The following LPP variants were observed in gnomAD, a reference collection of about 807,000 sequenced individuals.
LPP encodes the protein lipoma-preferred partner.
A neutral mutation model predicts 60.4 loss-of-function variants in LPP; 38 were observed. That is an observed-to-expected ratio of 0.63 (90% confidence interval 0.49 to 0.83). The LOEUF (loss-of-function observed/expected upper bound fraction) is 0.83. LPP is among the 40% of genes least tolerant of loss of function. The pLI is 0.00. For synonymous variants in LPP, 328 were observed against 290.8 expected (o/e 1.13, Z -1.30); for missense variants, 902 against 783.6 (o/e 1.15, Z -1.80).
At chr3:188,358,666 C>T (rs1299681132) in intron 3 of LPP, among the ~76,000 whole-genome samples, 1 of 151,986 alleles carries the variant, frequency 6.6e-6, no homozygotes, top group East Asian at 1.9e-4. Context: ...AGATTCTTTC[C>T]GAAAGAGTGT....
At chr3:188,304,766 A>C (rs953900736) in intron 2 of LPP, among the ~76,000 whole-genome samples, 1 of 152,186 alleles carries the variant, frequency 6.6e-6, no homozygotes, top group African/African-American at 2.4e-5. Context: ...ATATTGTCAG[A>C]AAAGTCAAGC....
In LPP at chr3:188,887,708, A is replaced by G. The variant is rs549900990; in HGVS notation, c.*13229A>G. 7.1e-4 allele frequency: 150 copies of G among 211,780 alleles called. 1 individual carries two copies. In the Middle Eastern group the frequency reaches 0.011, roughly 15 times the overall value. 13.1% of individuals were successfully genotyped at this position (211,780 alleles called of 1,614,324 possible). A position where few individuals can be genotyped will look rare whatever the true frequency, so the allele number is the denominator to read the frequency against. ...GGGACCATGCCATCCTTCTAGCATA[A>G]TGGAGAAGTCTGAACTGAGGAGTAT... On this transcript the variant is annotated 3_prime_UTR_variant, in exon 12 of 12. Transcript: ENST00000617246.
At chr3:188,208,176 C>T (rs1456894060) in intron 1 of LPP, 1 of 152,238 alleles carries the variant, frequency 6.6e-6, no homozygotes, top group Non-Finnish European at 1.5e-5. Context: ...CTACAAATGA[C>T]AGAGATGACT....
chr3:188,629,630 T>C (rs1484194550), intron 7 of LPP, among the ~76,000 whole-genome samples: 1 of 151,960 alleles, frequency 6.6e-6, no homozygotes, highest in Admixed American at 6.6e-5. Context: ...TCAATATTGT[T>C]AAAATTTGGG....
intron 3 of LPP, among the ~76,000 whole-genome samples, chr3:188,384,456 A>G (rs941265661): frequency 6.6e-6 from 1 of 152,034 alleles, no homozygotes; most frequent in African/African-American, 2.4e-5. Context: ...GTATTTACGA[A>G]GGGACTCAAA....
chr3:188,421,362 C>T (rs13060464), intron 4 of LPP, among the ~76,000 whole-genome samples: 1 of 152,070 alleles, frequency 6.6e-6, no homozygotes, highest in Admixed American at 6.6e-5. Flanking sequence ...GAATGGAAAG[C>T]AGCCATCTTT....
At chr3:188,372,236 G>A (rs1773491723) in intron 3 of LPP, among the ~76,000 whole-genome samples, 1 of 151,872 alleles carries the variant, frequency 6.6e-6, no homozygotes, top group Non-Finnish European at 1.5e-5. Flanking sequence ...CTCTATAAAT[G>A]GTAGGTTTTC....
At chr3:188,446,303 G>C (rs2149306121) in intron 4 of LPP, among the ~76,000 whole-genome samples, 2 of 152,276 alleles carry the variant, frequency 1.3e-5, no homozygotes, top group Middle Eastern at 3.4e-3. Flanking sequence ...GGTGGTGTTT[G>C]ACTTTCAGTT....
chr3:188,329,672 C>T (rs1392334438), intron 2 of LPP, among the ~76,000 whole-genome samples: 8 of 152,008 alleles, frequency 5.3e-5, no homozygotes, highest in Non-Finnish European at 1.2e-4. Flanking sequence ...GCATATTTTC[C>T]CTACTCTCCG....
intron 4 of LPP, among the ~76,000 whole-genome samples, chr3:188,462,565 TATATATATATATATATATATGC>T (rs1413920257): frequency 7.9e-5 from 5 of 63,388 alleles, no homozygotes; most frequent in Admixed American, 4.0e-4. Flanking sequence ...TATATATATA[TATATATATATATATATATATGC>T]ATGTGTGTGT....
intron 3 of LPP, among the ~76,000 whole-genome samples, chr3:188,376,534 C>CT (rs1320895961): frequency 6.6e-6 from 1 of 151,918 alleles, no homozygotes; most frequent in African/African-American, 2.4e-5. Context: ...CAACCCCTGC[C>CT]TTTTTTTGTT....
At chr3:188,164,859 G>C (rs1205518430) in intron 1 of LPP, among the ~76,000 whole-genome samples, 1 of 152,152 alleles carries the variant, frequency 6.6e-6, no homozygotes, top group Non-Finnish European at 1.5e-5. Flanking sequence ...AGGTGCATCT[G>C]TGAAAGAATT....
intron 4 of LPP, among the ~76,000 whole-genome samples, chr3:188,463,797 T>C (rs1015879411): frequency 6.6e-6 from 1 of 152,168 alleles, no homozygotes; most frequent in Non-Finnish European, 1.5e-5. Context: ...TTAACCAGCT[T>C]TTGTTCAGTG....
chr3:188,443,528 G>T (rs1794541092), intron 4 of LPP, among the ~76,000 whole-genome samples: 1 of 152,228 alleles, frequency 6.6e-6, no homozygotes, highest in South Asian at 2.1e-4. Flanking sequence ...ATCGTAAGTT[G>T]TAGGTACTTA....
At chr3:188,257,493 T>C (rs940701194) in intron 2 of LPP, among the ~76,000 whole-genome samples, 4 of 152,212 alleles carry the variant, frequency 2.6e-5, no homozygotes, top group Non-Finnish European at 1.5e-5. Flanking sequence ...AAGACACAAC[T>C]GAGGGAAAGG....
chr3:188,571,083 G>T (rs1334931568), intron 6 of LPP, among the ~76,000 whole-genome samples: 1 of 151,834 alleles, frequency 6.6e-6, no homozygotes, highest in African/African-American at 2.4e-5. Context: ...AAGAGATAAA[G>T]AACTGCTAAA....
intron 9 of LPP, among the ~76,000 whole-genome samples, chr3:188,766,378 C>CAAAAAAAAAAAAAAAAAAAAAAA (rs142374028): frequency 8.8e-5 from 11 of 124,670 alleles, no homozygotes; most frequent in Non-Finnish European, 1.2e-4. Flanking sequence ...CCTTAAAAAG[C>CAAAAAAAAAAAAAAAAAAAAAAA]AAAAAAAAAA....
intron 7 of LPP, among the ~76,000 whole-genome samples, chr3:188,613,293 T>TATATCTATATCTATATCC (rs1553944229): frequency 9.2e-5 from 13 of 141,352 alleles, no homozygotes; most frequent in African/African-American, 2.7e-4. Context: ...TATCTATATC[T>TATATCTATATCTATATCC]ATATCTATAT....
intron 6 of LPP, among the ~76,000 whole-genome samples, chr3:188,599,390 G>T (rs1386095716): frequency 6.6e-6 from 1 of 152,106 alleles, no homozygotes; most frequent in Non-Finnish European, 1.5e-5. Context: ...ACTAGAAAAT[G>T]AAGATTTTCA....
Sources: allele counts gnomAD v4.1 joint callset (sites outside exome capture counted in the v4.1 genomes callset), GRCh38; gene constraint gnomAD v4.1.1; transcripts MANE v1.5; gene names NCBI Gene and HGNC (gene_info 2026-07-23, HGNC 2026-07-21).